PTPRD: variants seen among roughly 807,000 people sequenced by gnomAD.
The protein encoded by PTPRD is receptor-type tyrosine-protein phosphatase delta.
Under a neutral mutation model 214.5 loss-of-function variants are expected in PTPRD, and 34 were observed. The observed-to-expected ratio is 0.16, with a 90% CI of 0.12 to 0.21. The LOEUF (loss-of-function observed/expected upper bound fraction) is 0.21. Among genes scored for constraint, PTPRD ranks in the 10% least tolerant of loss-of-function variants. PTPRD has a pLI of 1.00. For synonymous variants in PTPRD, 1,128 were observed against 845.7 expected (o/e 1.33, Z -5.79); for missense variants, 2,545 against 2,398.7 (o/e 1.06, Z -1.27).
intron 11 of PTPRD, among the ~76,000 whole-genome samples, chr9:8,777,071 C>A (rs376837683): frequency 2.0e-5 from 3 of 151,394 alleles, no homozygotes; most frequent in East Asian, 3.9e-4. Context: ...GCCTCAACCT[C>A]CTAGCCTCAA....
intron 2 of PTPRD, among the ~76,000 whole-genome samples, chr9:10,375,974 A>T (rs1484779578): frequency 6.6e-6 from 1 of 151,894 alleles, no homozygotes; most frequent in East Asian, 1.9e-4. Context: ...TTCTTCATTA[A>T]CATAGTATCT....
At chr9:8,513,941 G>A (rs1379699572) in intron 21 of PTPRD, among the ~76,000 whole-genome samples, 1 of 152,042 alleles carries the variant, frequency 6.6e-6, no homozygotes, top group Non-Finnish European at 1.5e-5. Flanking sequence ...AACTATTATG[G>A]AAGATTCTTG....
At chr9:8,704,345 C>T (rs779563162) in intron 12 of PTPRD, among the ~76,000 whole-genome samples, 48 of 150,858 alleles carry the variant, frequency 3.2e-4, no homozygotes, top group Non-Finnish European at 5.3e-4. Context: ...GAATGAATGA[C>T]GGAAGAAAGG....
chr9:8,713,913 T>C (rs1279913391), intron 12 of PTPRD: 2 of 753,118 alleles, frequency 2.7e-6, no homozygotes, highest in Admixed American at 2.7e-5. Context: ...AAAAAATCTT[T>C]ATCCACTGAC....
chr9:8,468,501 G>A (rs1000314237), intron 31 of PTPRD, among the ~76,000 whole-genome samples: 3 of 151,868 alleles, frequency 2.0e-5, no homozygotes, highest in Non-Finnish European at 4.4e-5. Flanking sequence ...GTTTATAAAT[G>A]TATCATGTGG....
rs558336013 is a variant in PTPRD at position 9,675,071 on chromosome 9, A to T, written c.-287+59462T>A. On this transcript the variant is annotated intron_variant, in intron 7 of 45. Transcript: ENST00000381196. The stretch of plus-strand genomic sequence containing the variant: ...TCAAAATTTATAAAACCTCTAGCAC[A>T]TGGAACAAGTCTAACATATTTAAGA... Among the ~76,000 whole-genome samples the T allele has an allele frequency of 5.3e-5, 8 of 152,052 alleles. No individual in the cohort carries two copies. In the East Asian group the frequency reaches 1.5e-3, roughly 29 times the overall value.
chr9:8,955,608 GTTTTTTATTTTTTA>G (rs780302707), intron 11 of PTPRD, among the ~76,000 whole-genome samples: 14 of 151,608 alleles, frequency 9.2e-5, no homozygotes, highest in African/African-American at 2.4e-4. Flanking sequence ...GGCTATTTCT[GTTTTTTATTTTTTA>G]TTTTTTATTT....
intron 11 of PTPRD, among the ~76,000 whole-genome samples, chr9:8,997,724 G>C (rs966756806): frequency 6.6e-6 from 1 of 152,070 alleles, no homozygotes; most frequent in African/African-American, 2.4e-5. Flanking sequence ...GGCTTGATGA[G>C]GAAGGAATGT....
intron 7 of PTPRD, among the ~76,000 whole-genome samples, chr9:9,658,614 T>A (rs2096566074): frequency 6.6e-6 from 1 of 152,136 alleles, no homozygotes; most frequent in East Asian, 1.9e-4. Flanking sequence ...CTGGTTCTTT[T>A]ATTGGCAGAG....
chr9:9,567,194 C>G (rs140599871), intron 8 of PTPRD, among the ~76,000 whole-genome samples: 1 of 151,904 alleles, frequency 6.6e-6, no homozygotes, highest in East Asian at 1.9e-4. Flanking sequence ...CCTTTTCTGT[C>G]AGTCAAAGGT....
chr9:10,113,887 C>A (rs1203925781), intron 3 of PTPRD, among the ~76,000 whole-genome samples: 1 of 152,148 alleles, frequency 6.6e-6, no homozygotes, highest in African/African-American at 2.4e-5. Context: ...AAAGACTCAG[C>A]TGTCTAGGAT....
At chr9:8,704,539 A>T (rs1476392750) in intron 12 of PTPRD, among the ~76,000 whole-genome samples, 1 of 152,160 alleles carries the variant, frequency 6.6e-6, no homozygotes, top group African/African-American at 2.4e-5. Flanking sequence ...TGTCTCCCTT[A>T]CAGGGGATGC....
At chr9:9,500,162 G>A (rs1384739020) in intron 8 of PTPRD, among the ~76,000 whole-genome samples, 1 of 151,960 alleles carries the variant, frequency 6.6e-6, no homozygotes, top group Non-Finnish European at 1.5e-5. Context: ...TCATTCAGGA[G>A]CTATTTTATG....
chr9:10,195,739 A>G lies in PTPRD; in HGVS notation c.-545+145224T>C, dbSNP rs567800395. Among the ~76,000 whole-genome samples, 205 of 152,332 alleles carry G rather than the reference A, an allele frequency of 1.3e-3. 1 individual carries two copies. The highest frequency in any genetic ancestry group is 2.5e-3 in the Admixed American group (38 of 15,290). The stretch of plus-strand genomic sequence containing the variant: ...AAATAAATAAAGCAGTAAAGAAGCC[A>G]TGGGGAAGGGTGGAGGAGATGAAGC... On this transcript the variant is annotated intron_variant, in intron 3 of 45. Transcript: ENST00000381196.
intron 9 of PTPRD, among the ~76,000 whole-genome samples, chr9:9,253,512 A>T (rs35552393): frequency 0.12 from 18,539 of 151,986 alleles, 1,348 homozygotes; most frequent in Middle Eastern, 0.25. Flanking sequence ...TGAAAAAAAA[A>T]ATATGTATAC....
chr9:10,244,149 G>T (rs1184609418), intron 3 of PTPRD, among the ~76,000 whole-genome samples: 1 of 151,354 alleles, frequency 6.6e-6, no homozygotes, highest in African/African-American at 2.4e-5. Context: ...CTCAAACTTT[G>T]AGCTCTGGAT....
chr9:9,996,284 T>C (rs2096119939), intron 4 of PTPRD, among the ~76,000 whole-genome samples: 1 of 152,190 alleles, frequency 6.6e-6, no homozygotes, highest in African/African-American at 2.4e-5. Context: ...TAATTATTAA[T>C]TAAATTGATT....
chr9:9,292,726 G>A (rs941347361), intron 9 of PTPRD, among the ~76,000 whole-genome samples: 15 of 151,336 alleles, frequency 9.9e-5, no homozygotes, highest in African/African-American at 3.6e-4. Context: ...TATCTCCTTA[G>A]GTTCCTCTTG....
chr9:10,040,176 T>C (rs1342361855), intron 3 of PTPRD, among the ~76,000 whole-genome samples: 1 of 152,026 alleles, frequency 6.6e-6, no homozygotes, highest in East Asian at 1.9e-4. Flanking sequence ...TGAGCAAGCT[T>C]TTTTTGGTTA....
Sources: allele counts gnomAD v4.1 joint callset (sites outside exome capture counted in the v4.1 genomes callset), GRCh38; gene constraint gnomAD v4.1.1; transcripts MANE v1.5; gene names NCBI Gene and HGNC (gene_info 2026-07-23, HGNC 2026-07-21).